FDCSP: variants seen among roughly 807,000 people sequenced by gnomAD.
The protein encoded by FDCSP is follicular dendritic cell secreted peptide.
In FDCSP, 8 loss-of-function variants were observed where a neutral mutation model predicts 8.9. The ratio of observed to expected loss-of-function variants is 0.90; its 90% CI spans 0.53 to 1.63. The LOEUF (loss-of-function observed/expected upper bound fraction) is 1.63. Among genes scored for constraint, FDCSP ranks in the 40% most tolerant of loss-of-function variants. The pLI, the probability that FDCSP is intolerant of heterozygous loss-of-function variation, is 0.00. For missense variants in FDCSP, 101 were observed against 103.6 expected, an observed-to-expected ratio of 0.98 and a Z score of 0.11; for synonymous variants, 34 against 34.5, an observed-to-expected ratio of 0.98 and a Z score of 0.06.
intron 2 of FDCSP, among the ~76,000 whole-genome samples, chr4:70,232,749 A>G (rs1730107532): frequency 6.6e-6 from 1 of 151,646 alleles, no homozygotes; most frequent in Non-Finnish European, 1.5e-5. Context: ...ACTATAAACC[A>G]TATACTGTTC....
At chr4:70,229,532 G>A (rs1203382293) in intron 1 of FDCSP, among the ~76,000 whole-genome samples, 1 of 151,518 alleles carries the variant, frequency 6.6e-6, no homozygotes, top group Non-Finnish European at 1.5e-5. Context: ...TCACTAAATC[G>A]TTTTTACCTT....
At chr4:70,230,862 A>AT (rs1392088848) in intron 1 of FDCSP, among the ~76,000 whole-genome samples, 3 of 151,670 alleles carry the variant, frequency 2.0e-5, no homozygotes, top group East Asian at 1.9e-4. Flanking sequence ...TTATTCTTTT[A>AT]TTTTTTATTT....
At chr4:70,228,887 G>A (rs1472825972) in intron 1 of FDCSP, among the ~76,000 whole-genome samples, 1 of 151,758 alleles carries the variant, frequency 6.6e-6, no homozygotes. Context: ...CATCCACAGA[G>A]CACAGGAAGA....
At chr4:70,234,731 C>A (rs1435412742) in intron 4 of FDCSP, among the ~76,000 whole-genome samples, 1 of 151,300 alleles carries the variant, frequency 6.6e-6, no homozygotes. Flanking sequence ...CATTTCATCA[C>A]ATCAAAAACA....
Position 70,231,209 on chromosome 4 carries a change from C to A in FDCSP, c.15C>A (p.Leu5=). Residue 5 remains leucine (L), a synonymous_variant, in exon 2 of 5, where the codon CTC becomes CTA. Transcript: ENST00000317987. Reference sequence around the variant, plus strand: ...CCATTTTGCAGATGAAGAAAGTTCTCCTCCTGATCACAGCCATCTTGGCAG... The same window carrying A: ...CCATTTTGCAGATGAAGAAAGTTCTACTCCTGATCACAGCCATCTTGGCAG... MKKV[L]LLITAILAVA... 1 of 1,599,334 alleles carries A rather than the reference C, an allele frequency of 6.3e-7. No individual in the cohort carries two copies. The highest frequency in any genetic ancestry group is 1.1e-5 in the South Asian group (1 of 88,962).
Position 70,231,121 on chromosome 4 carries a change from C to T in FDCSP, c.1-74C>T, listed in dbSNP as rs1324413392. ...TAACTGGATCTTTTAAATTCATGGTCTTTTAGCTGACTTCTAGGATATTTA... is the reference window on the plus strand; with the variant it reads ...TAACTGGATCTTTTAAATTCATGGTTTTTTAGCTGACTTCTAGGATATTTA... On this transcript the variant is annotated intron_variant, in intron 1 of 4. Coordinates refer to ENST00000317987, the MANE Select transcript of FDCSP (RefSeq NM_152997.4). The T allele has an allele frequency of 3.2e-6, 4 of 1,234,384 alleles. No homozygotes were observed. In the African/African-American group the frequency reaches 6.2e-5, roughly 19 times the overall value. The allele number at this position is 1,234,384 out of a possible 1,614,324, so 76.5% of individuals were successfully genotyped here.
Position 70,234,228 on chromosome 4 carries a change from A to C in FDCSP, c.*28+13A>C. On this transcript the variant is annotated intron_variant, in intron 4 of 4. Transcript: ENST00000317987. ...CACGATAAACCTGGTAAGTACACATAGTTACAATCATAGTTTATTTTAAGT... is the reference window on the plus strand; with the variant it reads ...CACGATAAACCTGGTAAGTACACATCGTTACAATCATAGTTTATTTTAAGT... The C allele has an allele frequency of 6.6e-7, 1 of 1,517,430 alleles. No individual in the cohort carries two copies. The highest frequency in any genetic ancestry group is 8.9e-7 in the Non-Finnish European group (1 of 1,127,444). The allele number at this position is 1,517,430 out of a possible 1,614,324, so 94.0% of individuals were successfully genotyped here.
At chr4:70,226,743 A>G (rs1183492458) in intron 1 of FDCSP, among the ~76,000 whole-genome samples, 2 of 151,906 alleles carry the variant, frequency 1.3e-5, no homozygotes, top group Non-Finnish European at 2.9e-5. Flanking sequence ...TATCTGGAGA[A>G]TCATTTATTC....
At chr4:70,231,944 ACAAAAT>A (rs1730091469) in intron 2 of FDCSP, among the ~76,000 whole-genome samples, 1 of 151,758 alleles carries the variant, frequency 6.6e-6, no homozygotes, top group Admixed American at 6.6e-5. Flanking sequence ...TCAGTTTTAA[ACAAAAT>A]AGTTTAAAAG....
chr4:70,232,878 T>C (rs1730110010), intron 2 of FDCSP, 116 bp from the exon 3 acceptor site: 1 of 926,742 alleles, frequency 1.1e-6, no homozygotes, highest in Non-Finnish European at 1.6e-6. Context: ...TATGGGTATT[T>C]TAAAAAATGG....
At chr4:70,232,919 G>T in intron 2 of FDCSP, 75 bp from the exon 3 acceptor site, 1 of 1,162,436 alleles carries the variant, frequency 8.6e-7, no homozygotes, top group Non-Finnish European at 1.2e-6. Flanking sequence ...GTAATAGATT[G>T]TCATGCATAT....
chr4:70,229,188 C>A (rs1730038774), intron 1 of FDCSP, among the ~76,000 whole-genome samples: 1 of 151,748 alleles, frequency 6.6e-6, no homozygotes, highest in African/African-American at 2.4e-5. Flanking sequence ...CTTTACCTTG[C>A]ACTTTTATGT....
intron 2 of FDCSP, among the ~76,000 whole-genome samples, chr4:70,232,014 A>G (rs1730092539): frequency 6.6e-6 from 1 of 151,824 alleles, no homozygotes; most frequent in Non-Finnish European, 1.5e-5. Context: ...GTATTTTTGT[A>G]CAGCTGTAAA....
intron 1 of FDCSP, 111 bp from the exon 2 acceptor site, chr4:70,231,080 CAAAT>C: frequency 1.3e-6 from 1 of 750,636 alleles, no homozygotes; most frequent in Non-Finnish European, 2.1e-6. Context: ...AGCTATTTGT[CAAAT>C]AATTCGTACT....
intron 4 of FDCSP, 62 bp downstream of exon 4, chr4:70,234,277 C>A: frequency 1.5e-6 from 2 of 1,357,078 alleles, no homozygotes; most frequent in Non-Finnish European, 2.0e-6. Flanking sequence ...TCCATAATTT[C>A]AAGGAAAAAA....
chr4:70,233,014 A>T lies in FDCSP; in HGVS notation c.78A>T (p.Arg26=). The change falls in exon 3 of 5, where the codon CGA becomes CGT. Residue 26 remains arginine, a synonymous_variant. Transcript: ENST00000317987. ...VGFPVSQDQE[R]EKRSISDSDE... is the part of the protein sequence containing the mutation. ...TTTAGGTCTCTCAAGACCAGGAACG[A>T]GAAAAAAGAAGTGTAAGTTACCTTT... 1 of 1,595,268 alleles carries T rather than the reference A, an allele frequency of 6.3e-7. No homozygotes were observed. The highest frequency in any genetic ancestry group is 8.5e-7 in the Non-Finnish European group (1 of 1,173,026).
intron 4 of FDCSP, among the ~76,000 whole-genome samples, chr4:70,234,595 G>A (rs921388652): frequency 6.6e-6 from 1 of 151,524 alleles, no homozygotes; most frequent in Non-Finnish European, 1.5e-5. Flanking sequence ...GTTTAAAGTA[G>A]ACCAGCTTAG....
At chr4:70,227,710 A>G (rs192236938) in intron 1 of FDCSP, among the ~76,000 whole-genome samples, 29 of 151,882 alleles carry the variant, frequency 1.9e-4, no homozygotes, top group South Asian at 4.2e-4. Flanking sequence ...GTTCTTGACC[A>G]CCACCATAGA....
chr4:70,226,377 T>C (rs1729984635), intron 1 of FDCSP, among the ~76,000 whole-genome samples, 195 bp downstream of exon 1: 1 of 151,916 alleles, frequency 6.6e-6, no homozygotes. Context: ...TGCAAAACTT[T>C]TTTTAAAATC....
Sources: gnomAD v4.1 joint callset for allele counts (sites outside exome capture counted in the v4.1 genomes callset) on GRCh38, gnomAD v4.1.1 for gene constraint, MANE v1.5 for transcripts, NCBI Gene and HGNC (gene_info 2026-07-23, HGNC 2026-07-21) for gene names.